CFAP46: variants seen among roughly 807,000 people sequenced by gnomAD.
CFAP46 encodes cilia and flagella associated protein 46.
CFAP46 carries 245 observed loss-of-function variants against 325.7 expected under a neutral mutation model. The ratio of observed to expected loss-of-function variants is 0.75; its 90% confidence interval spans 0.68 to 0.84. The LOEUF (loss-of-function observed/expected upper bound fraction) is 0.84, where lower values mean the gene tolerates loss of function less well. Among genes scored for constraint, CFAP46 ranks in the 40% least tolerant of loss-of-function variants. The pLI, the probability that CFAP46 is intolerant of heterozygous loss-of-function variation, is 0.00. For missense variants in CFAP46, 3,346 were observed against 3,543.0 expected, an observed-to-expected ratio of 0.94 and a Z score of 1.41; for synonymous variants, 1,523 against 1,495.9, an observed-to-expected ratio of 1.02 and a Z score of -0.42.
chr10:132,824,678 CTGA>C (rs1304036395), intron 50 of CFAP46, among the ~76,000 whole-genome samples: 3 of 82,484 alleles, frequency 3.6e-5, no homozygotes, highest in Admixed American at 1.7e-4. Context: ...GTGCTGTGTG[CTGA>C]TGTGTGCTGT....
chr10:132,926,228 GC>G (rs1376487961), intron 10 of CFAP46, among the ~76,000 whole-genome samples: 1 of 152,164 alleles, frequency 6.6e-6, no homozygotes, highest in East Asian at 1.9e-4. Context: ...CTCATGGGAC[GC>G]GTGGCCGTCC....
intron 17 of CFAP46, among the ~76,000 whole-genome samples, chr10:132,913,711 G>A (rs549493340): frequency 7.2e-5 from 11 of 152,226 alleles, no homozygotes; most frequent in East Asian, 1.9e-4. Flanking sequence ...ACCCGCCCTC[G>A]CTAAAGAGAG....
At position 132,810,498 on chromosome 10, in the gene CFAP46, GA is replaced by G. The variant is rs201771263; in HGVS notation, c.7584-10del. ...CCCAACGGCCAACAGATCTAGGGGA[GA>G]AACGTCCCCTCAGGAGGGCATGGAC... On this transcript the variant is annotated splice_polypyrimidine_tract_variant and intron_variant, in intron 56 of 57. Transcript: ENST00000368586. 0.013 allele frequency: 20,850 copies of G among 1,611,966 alleles called. 184 individuals are homozygous for G. Among genetic ancestry groups the G allele is most frequent in the Non-Finnish European group, 0.015 (17,475 of 1,178,524 alleles).
intron 47 of CFAP46, 83 bp downstream of exon 47, chr10:132,835,221 C>T (rs1848220391): frequency 1.9e-6 from 3 of 1,556,586 alleles, no homozygotes; most frequent in East Asian, 4.5e-5. Context: ...CCCGCCCCTC[C>T]CCCCACCTCG....
chr10:132,854,987 CA>C (rs1848620071), intron 39 of CFAP46, among the ~76,000 whole-genome samples: 1 of 152,126 alleles, frequency 6.6e-6, no homozygotes, highest in Admixed American at 6.5e-5. Context: ...ACACAAAGAG[CA>C]TCTTATTCTG....
chr10:132,834,636 C>G lies in CFAP46; in HGVS notation c.6866+18G>C. 6.2e-7 allele frequency: 1 copy of G among 1,612,254 alleles called. No individual in the cohort carries two copies. Among genetic ancestry groups the G allele is most frequent in the South Asian group, 1.1e-5 (1 of 90,906 alleles). On this transcript the variant is annotated intron_variant, in intron 48 of 57. Transcript: ENST00000368586. ...CGTGAGCGTGGTGGGGTGCCAGCCT[C>G]AACGTCATCCCCAGTACCTGGCCTT...
At chr10:132,823,162 T>G (rs1847924173) in intron 50 of CFAP46, among the ~76,000 whole-genome samples, 2 of 119,468 alleles carry the variant, frequency 1.7e-5, no homozygotes, top group Non-Finnish European at 3.5e-5. Context: ...GCTGTGTGAG[T>G]GATGTGTGCT....
At chr10:132,865,626 GC>G (rs1848801761) in intron 35 of CFAP46, among the ~76,000 whole-genome samples, 1 of 152,184 alleles carries the variant, frequency 6.6e-6, no homozygotes, top group Non-Finnish European at 1.5e-5. Context: ...GACCCAGGCA[GC>G]CCCGCACACA....
intron 47 of CFAP46, 58 bp from the exon 48 acceptor site, chr10:132,834,833 GCGAGGGCCAGGCCCCTGCAGAAAGGC>G: frequency 6.4e-7 from 1 of 1,566,918 alleles, no homozygotes; most frequent in Non-Finnish European, 8.7e-7. Flanking sequence ...CCCAGACCCC[GCGAGGGCCAGGCCCCTGCAGAAAGGC>G]CGAGCTCCTG....
chr10:132,808,900 C>A lies in CFAP46; in HGVS notation c.7669G>T (p.Gly2557Cys). The change falls in exon 58 of 58, where the codon GGC becomes TGC. Residue 2557 changes from glycine (G) to cysteine (C), a missense_variant. Gly to Cys is a radical substitution (Grantham distance 159). Transcript: ENST00000368586. The surrounding 1 kb of genome is among the most constrained non-coding windows in gnomAD (Gnocchi z 6.8). ...GCTTGTCCTTCAAGGTCTGAGAAGC[C>A]TCGTCTGTGGAGAAAGGGGCGGGAG... ...EWRRGGEPRRGFSDLEGQAAA... is the reference protein window; with the variant it reads ...EWRRGGEPRRCFSDLEGQAAA... 6.3e-7 allele frequency: 1 copy of A among 1,583,996 alleles called. No individual in the cohort carries two copies. The highest frequency in any genetic ancestry group is 2.3e-5 in the East Asian group (1 of 44,246).
At chr10:132,891,891 C>A (rs1024118500) in intron 25 of CFAP46, among the ~76,000 whole-genome samples, 1 of 152,156 alleles carries the variant, frequency 6.6e-6, no homozygotes, top group Non-Finnish European at 1.5e-5. Flanking sequence ...CCTTCTGGAC[C>A]AAACCAATGT....
Position 132,850,319 on chromosome 10 carries a change from G to T in CFAP46, c.5877C>A (p.Ala1959=). 1 of 1,551,956 alleles carries T rather than the reference G, an allele frequency of 6.4e-7. No individual in the cohort carries two copies. The highest frequency in any genetic ancestry group is 8.7e-7 in the Non-Finnish European group (1 of 1,147,696). ...TGGCCAGCAGGTGCAGGGCCCTCCC[G>T]GCCAGGCCCAGGAGCCGGGCGCGGA... ...VEIRARLLGL[A]GRALHLLAMQ... is the part of the protein sequence containing the mutation. Residue 1959 remains alanine (A), a synonymous_variant, in exon 41 of 58, where the codon GCC becomes GCA. Transcript: ENST00000368586.
At position 132,909,149 on chromosome 10, in the gene CFAP46, G is replaced by C; in HGVS notation, c.2745C>G (p.Pro915=). ...TGGGGACACCTACCTGGGCCAGGGA[G>C]GGGACAGTGAAGTCCATGAGGCCCA... ...NGLGLMDFTV[P]SLAQLVKMAS... is the part of the protein sequence containing the mutation. The change falls in exon 21 of 58, where the codon CCC becomes CCG. Residue 915 remains proline, a synonymous_variant. Coordinates refer to ENST00000368586, the MANE Select transcript of CFAP46 (RefSeq NM_001200049.3). The C allele has an allele frequency of 6.5e-7, 1 of 1,549,096 alleles. No individual in the cohort carries two copies. Among genetic ancestry groups the C allele is most frequent in the Middle Eastern group, 1.7e-4 (1 of 5,832 alleles).
chr10:132,920,389 C>T (rs1375175321), intron 13 of CFAP46, among the ~76,000 whole-genome samples: 1 of 152,160 alleles, frequency 6.6e-6, no homozygotes, highest in African/African-American at 2.4e-5. Context: ...GCGATGAGGC[C>T]GAGCCAGTGC....
At chr10:132,838,619 G>T (rs970731410) in intron 44 of CFAP46, among the ~76,000 whole-genome samples, 2 of 152,226 alleles carry the variant, frequency 1.3e-5, no homozygotes, top group South Asian at 2.1e-4. Flanking sequence ...CCACAGCTGG[G>T]AATGCCACAG....
rs761580209 is a variant in CFAP46, at chr10:132,941,576, C to T, written c.306+15G>A. On this transcript the variant is annotated intron_variant, in intron 3 of 57. Coordinates refer to ENST00000368586, the MANE Select transcript of CFAP46 (RefSeq NM_001200049.3). ...ATTGAACTGTTGGGGATAAGGGGCA[C>T]AGGACGCCTCTCACCAGGTTTTCTG... 3 of 1,609,194 alleles carry T rather than the reference C, an allele frequency of 1.9e-6. No individual in the cohort carries two copies. Among genetic ancestry groups the T allele is most frequent in the South Asian group, 2.2e-5 (2 of 90,476 alleles).
At chr10:132,852,406 G>A (rs1848570382) in intron 39 of CFAP46, among the ~76,000 whole-genome samples, 1 of 123,158 alleles carries the variant, frequency 8.1e-6, no homozygotes, top group Non-Finnish European at 1.7e-5. Context: ...ATCCACAGAC[G>A]TGGTATGTTC....
chr10:132,823,959 CTGTG>C (rs1247283256), intron 50 of CFAP46, among the ~76,000 whole-genome samples: 4 of 118,100 alleles, frequency 3.4e-5, no homozygotes, highest in African/African-American at 6.8e-5. Context: ...GTGATGTGTG[CTGTG>C]TGAGTGCTAA....
chr10:132,942,371 G>GGGCGGGGGTCGT, intron 1 of CFAP46, 65 bp downstream of exon 1: 1 of 1,342,094 alleles, frequency 7.5e-7, no homozygotes, highest in Non-Finnish European at 9.6e-7. Flanking sequence ...GGCCTCCCCG[G>GGGCGGGGGTCGT]GGCGGGGGTC....
Sources: gnomAD v4.1 joint callset for allele counts (sites outside exome capture counted in the v4.1 genomes callset) on GRCh38, gnomAD v4.1.1 for gene constraint, Gnocchi (gnomAD v3.1) non-coding constraint, MANE v1.5 for transcripts, NCBI Gene and HGNC (gene_info 2026-07-23, HGNC 2026-07-21) for gene names.